Variants in MAP2K5 observed in about 807,000 individuals in gnomAD.
The protein encoded by MAP2K5 is mitogen-activated protein kinase kinase 5, also known as dual specificity mitogen-activated protein kinase kinase 5.
In MAP2K5, 49 loss-of-function variants were observed where a neutral mutation model predicts 83.1. The ratio of observed to expected loss-of-function variants is 0.59; its 90% CI spans 0.47 to 0.75. MAP2K5 has a LOEUF of 0.75. MAP2K5 is among the 30% of genes least tolerant of loss of function. MAP2K5 has a pLI of 0.00. For synonymous variants in MAP2K5, 202 were observed against 191.8 expected, an observed-to-expected ratio of 1.05 and a Z score of -0.44; for missense variants, 457 against 557.5, an observed-to-expected ratio of 0.82 and a Z score of 1.82.
At position 67,712,782 on chromosome 15, in the gene MAP2K5, G is replaced by A. The variant is rs145866877; in HGVS notation, c.1044+9374G>A. ...AAATACAAAAAATTAGCTGGGTGTG[G>A]TGGCAGGTGTCTGTAGTCCCAGCTA... is the stretch of plus-strand genomic sequence containing the variant. On this transcript the variant is annotated intron_variant, in intron 16 of 21. Coordinates refer to ENST00000178640, the MANE Select transcript of MAP2K5 (RefSeq NM_145160.3). 2.4e-3 allele frequency among the ~76,000 whole-genome samples: 369 copies of A among 152,288 alleles called. 2 individuals carry two copies. Among genetic ancestry groups the A allele is most frequent in the African/African-American group, 8.4e-3 (351 of 41,560 alleles).
chr15:67,568,408 T>TA (rs986486056), intron 3 of MAP2K5, among the ~76,000 whole-genome samples: 1 of 152,194 alleles, frequency 6.6e-6, no homozygotes, highest in African/African-American at 2.4e-5. Flanking sequence ...ATCATGCAGT[T>TA]ACTCAAGTAG....
Position 67,721,053 on chromosome 15 carries a change from C to T in MAP2K5, c.1045-6863C>T, listed in dbSNP as rs560893303. Among the ~76,000 whole-genome samples, 14 of 152,172 alleles carry T rather than the reference C, an allele frequency of 9.2e-5. No homozygotes were observed. In the South Asian group the frequency reaches 1.7e-3, roughly 18 times the overall value. On this transcript the variant is annotated intron_variant, in intron 16 of 21. Coordinates refer to ENST00000178640, the MANE Select transcript of MAP2K5 (RefSeq NM_145160.3). ...TATTGTACTTGTGAATTACTGTTGC[C>T]CTCTTCCTGTTTAAGTGTCTACTGT...
chr15:67,733,757 T>A (rs907219895), intron 17 of MAP2K5, among the ~76,000 whole-genome samples: 1 of 152,206 alleles, frequency 6.6e-6, no homozygotes, highest in African/African-American at 2.4e-5. Flanking sequence ...TAAATCCCAA[T>A]ACAAGTTAAA....
chr15:67,707,001 C>G (rs546588216), intron 16 of MAP2K5, among the ~76,000 whole-genome samples: 1 of 152,134 alleles, frequency 6.6e-6, no homozygotes, highest in African/African-American at 2.4e-5. Context: ...CTGCAACCTC[C>G]GCCTCCCAGG....
At position 67,697,811 on chromosome 15, in the gene MAP2K5, CACTT is replaced by C. The variant is rs536307540; in HGVS notation, c.972+4245_972+4248del. Among the ~76,000 whole-genome samples the C allele has an allele frequency of 9.2e-5, 14 of 152,272 alleles. No homozygotes were observed. The South Asian group carries it at 1.9e-3, about 20-fold the overall frequency. ...ATAGCCCTGTATATGTGAATAATCTCACTTAATCTGTAATCGAAAGCGTAAAATA... is the reference window on the plus strand; with the variant it reads ...ATAGCCCTGTATATGTGAATAATCTCAATCTGTAATCGAAAGCGTAAAATA... On this transcript the variant is annotated intron_variant, in intron 15 of 21. Transcript: ENST00000178640.
Position 67,722,351 on chromosome 15 carries a change from CTTTTT to C in MAP2K5, c.1045-5554_1045-5550del, listed in dbSNP as rs200075045. 7.1e-6 allele frequency among the ~76,000 whole-genome samples: 1 copy of C among 141,500 alleles called. No individual in the cohort carries two copies. Among genetic ancestry groups the C allele is most frequent in the Non-Finnish European group, 1.6e-5 (1 of 64,064 alleles). The allele number at this position is 141,500 out of a possible 152,430, so 92.8% of individuals were successfully genotyped here. ...CAGAAGATTAAATTAATTTGTAACT[CTTTTT>C]TTTTTTTTTTGGTCCTGCATTACTA... is the stretch of plus-strand genomic sequence containing the variant. On this transcript the variant is annotated intron_variant, in intron 16 of 21. Transcript: ENST00000178640. The surrounding 1 kb of genome is among the most constrained non-coding windows in gnomAD (Gnocchi z 4.2).
At chr15:67,675,489 T>C (rs558066376) in intron 13 of MAP2K5, among the ~76,000 whole-genome samples, 17 of 152,314 alleles carry the variant, frequency 1.1e-4, no homozygotes, top group African/African-American at 3.8e-4. Flanking sequence ...TGAGGAATCC[T>C]CATGGTGATG....
intron 8 of MAP2K5, among the ~76,000 whole-genome samples, chr15:67,614,168 G>T (rs2086001290): frequency 1.3e-5 from 2 of 152,102 alleles, no homozygotes; most frequent in Non-Finnish European, 2.9e-5. Context: ...CTTACAGATA[G>T]GAATCGTGAA....
In MAP2K5 at chr15:67,790,684, C is replaced by T. The variant is rs1478135469; in HGVS notation, c.1243-15962C>T. Among the ~76,000 whole-genome samples, 2 of 151,688 alleles carry T rather than the reference C, an allele frequency of 1.3e-5. No individual in the cohort carries two copies. Among genetic ancestry groups the T allele is most frequent in the African/African-American group, 4.8e-5 (2 of 41,240 alleles). Reference sequence around the variant, plus strand: ...AAGATGTGGAGAGCAGCCTTTAATTCTCTACTGCAGCTGTCAGGAGAGCCA... The same window carrying T: ...AAGATGTGGAGAGCAGCCTTTAATTTTCTACTGCAGCTGTCAGGAGAGCCA... On this transcript the variant is annotated intron_variant, in intron 21 of 21. Transcript: ENST00000178640. This position sits in a 1 kb window ranked among gnomAD's most constrained non-coding sequence, Gnocchi z 4.6.
intron 8 of MAP2K5, among the ~76,000 whole-genome samples, chr15:67,608,337 T>C (rs2085827895): frequency 3.9e-5 from 6 of 152,138 alleles, no homozygotes. Flanking sequence ...GATTGGGGAA[T>C]TGTGTCTGTT....
intron 8 of MAP2K5, among the ~76,000 whole-genome samples, chr15:67,613,685 CA>C (rs1421953867): frequency 6.6e-6 from 1 of 151,322 alleles, no homozygotes; most frequent in Non-Finnish European, 1.5e-5. Flanking sequence ...GTATTGTGGG[CA>C]GGATTATAGA....
At chr15:67,787,019 A>T (rs183668532) in intron 21 of MAP2K5, among the ~76,000 whole-genome samples, 1 of 152,330 alleles carries the variant, frequency 6.6e-6, no homozygotes, top group East Asian at 1.9e-4. Context: ...GGGTAAAGTT[A>T]GCTGCATGGG....
At chr15:67,730,395 C>T (rs1295318088) in intron 17 of MAP2K5, among the ~76,000 whole-genome samples, 3 of 152,158 alleles carry the variant, frequency 2.0e-5, no homozygotes. Flanking sequence ...CTGATTTGCT[C>T]ACTGTTAAAA....
chr15:67,674,671 A>G (rs901028253), intron 13 of MAP2K5, among the ~76,000 whole-genome samples: 1 of 152,168 alleles, frequency 6.6e-6, no homozygotes, highest in Non-Finnish European at 1.5e-5. Flanking sequence ...GATTTTCAAG[A>G]GATCAGAAAC....
chr15:67,675,929 C>T (rs966559415), intron 13 of MAP2K5, among the ~76,000 whole-genome samples: 2 of 152,080 alleles, frequency 1.3e-5, no homozygotes, highest in African/African-American at 2.4e-5. Flanking sequence ...GGAAAGACGT[C>T]GTGTGTCATT....
intron 4 of MAP2K5, chr15:67,585,681 T>G: frequency 1.9e-6 from 1 of 525,878 alleles, no homozygotes; most frequent in Non-Finnish European, 3.4e-6. Context: ...TATGAGGTGG[T>G]GTCAGAAAGC....
At chr15:67,566,445 G>A (rs1395167839) in intron 3 of MAP2K5, among the ~76,000 whole-genome samples, 1 of 152,112 alleles carries the variant, frequency 6.6e-6, no homozygotes, top group Non-Finnish European at 1.5e-5. Context: ...CAAAATGCTG[G>A]GATTACAGGC....
At chr15:67,798,592 T>C (rs182266422) in intron 21 of MAP2K5, among the ~76,000 whole-genome samples, 1 of 152,326 alleles carries the variant, frequency 6.6e-6, no homozygotes, top group African/African-American at 2.4e-5. Context: ...TCTGGCCTAT[T>C]ACTCTGTGTA....
At chr15:67,550,782 T>C (rs1413012509) in intron 2 of MAP2K5, among the ~76,000 whole-genome samples, 8 of 152,026 alleles carry the variant, frequency 5.3e-5, no homozygotes, top group African/African-American at 9.6e-5. Context: ...TTTTTCTTTT[T>C]TTTTTTTGCC....
Sources: allele counts gnomAD v4.1 joint callset (sites outside exome capture counted in the v4.1 genomes callset), GRCh38; gene constraint gnomAD v4.1.1; non-coding constraint Gnocchi (gnomAD v3.1); transcripts MANE v1.5; gene names NCBI Gene and HGNC (gene_info 2026-07-23, HGNC 2026-07-21).